DIP2C: variants seen among roughly 807,000 people sequenced by gnomAD.
DIP2C encodes the protein DIP2 acetate--CoA ligase C (putative), also known as disco-interacting protein 2 homolog C.
A neutral mutation model predicts 192.4 loss-of-function variants in DIP2C; 33 were observed. The ratio of observed to expected loss-of-function variants is 0.17; its 90% confidence interval spans 0.13 to 0.23. The LOEUF is 0.23. DIP2C is among the 10% of genes least tolerant of loss of function. The pLI is 1.00. For synonymous variants in DIP2C, 979 were observed against 864.1 expected (o/e 1.13, Z -2.33); for missense variants, 1,537 against 2,110.1 (o/e 0.73, Z 5.32).
intron 2 of DIP2C, chr10:484,829 GCTCC>G: frequency 6.2e-7 from 1 of 1,611,156 alleles, no homozygotes; most frequent in Non-Finnish European, 8.5e-7. Flanking sequence ...CTGGCCACCC[GCTCC>G]CGAGCCGCAG....
chr10:585,630 A>G (rs1042970336), intron 1 of DIP2C, among the ~76,000 whole-genome samples: 3 of 152,066 alleles, frequency 2.0e-5, no homozygotes, highest in Non-Finnish European at 4.4e-5. Context: ...CAAATCCCCT[A>G]AACCAGGAAC....
chr10:678,537 GC>G (rs1200479926), intron 1 of DIP2C, among the ~76,000 whole-genome samples: 2 of 134,548 alleles, frequency 1.5e-5, no homozygotes, highest in African/African-American at 5.9e-5. Flanking sequence ...TGCTCCCCGC[GC>G]CCATCTCTGC....
At chr10:477,849 GGA>G (rs1299915060) in intron 2 of DIP2C, among the ~76,000 whole-genome samples, 1 of 134,056 alleles carries the variant, frequency 7.5e-6, no homozygotes, top group Non-Finnish European at 1.6e-5. Context: ...AAAGAAAAAA[GGA>G]GAAGTGAAGG....
At chr10:592,204 G>A (rs182432710) in intron 1 of DIP2C, among the ~76,000 whole-genome samples, 131 of 152,254 alleles carry the variant, frequency 8.6e-4, no homozygotes, top group African/African-American at 2.9e-3. Flanking sequence ...ATAATCGGAG[G>A]ACCCATTCAG....
intron 8 of DIP2C, 70 bp downstream of exon 8, chr10:413,841 CTG>C (rs1395751828): frequency 6.5e-6 from 10 of 1,549,734 alleles, no homozygotes; most frequent in African/African-American, 1.4e-5. Flanking sequence ...TAAACGGACA[CTG>C]AGTTTCCTGC....
At chr10:514,136 T>C (rs1043296931) in intron 1 of DIP2C, among the ~76,000 whole-genome samples, 2 of 152,212 alleles carry the variant, frequency 1.3e-5, no homozygotes, top group African/African-American at 4.8e-5. Flanking sequence ...GGCTTCCTGG[T>C]GCATTCGCCC....
At position 523,701 on chromosome 10, in the gene DIP2C, A is replaced by G. The variant is rs1846874471; in HGVS notation, c.86-37171T>C. 1.3e-5 allele frequency among the ~76,000 whole-genome samples: 2 copies of G among 150,464 alleles called. 1 individual carries two copies. The highest frequency in any genetic ancestry group is 4.2e-4 in the South Asian group (2 of 4,744). On this transcript the variant is annotated intron_variant, in intron 1 of 36. Coordinates refer to ENST00000280886, the MANE Select transcript of DIP2C (RefSeq NM_014974.3). Reference sequence around the variant, plus strand: ...GATGCAGGGACTCTGTGTCACCCACACACTCGTTTCTACTGGATGCAAAGG... The same window carrying G: ...GATGCAGGGACTCTGTGTCACCCACGCACTCGTTTCTACTGGATGCAAAGG...
At chr10:339,381 A>C (rs1958032695) in intron 29 of DIP2C, among the ~76,000 whole-genome samples, 1 of 152,164 alleles carries the variant, frequency 6.6e-6, no homozygotes, top group African/African-American at 2.4e-5. Flanking sequence ...CTGAGTTAGT[A>C]ACATTTTGCA....
chr10:287,885 C>G (rs1297135287), intron 33 of DIP2C, among the ~76,000 whole-genome samples: 1 of 152,154 alleles, frequency 6.6e-6, no homozygotes, highest in African/African-American at 2.4e-5. Flanking sequence ...GAATTGATAT[C>G]TCAATAGTTC....
At chr10:330,978 ATTTTT>A (rs34830576) in intron 29 of DIP2C, among the ~76,000 whole-genome samples, 4 of 100,352 alleles carry the variant, frequency 4.0e-5, no homozygotes, top group Non-Finnish European at 8.3e-5. Context: ...TGCCTGGCTA[ATTTTT>A]TTTTTTTTTT....
chr10:437,741 A>C (rs1331931034), intron 4 of DIP2C: 11 of 152,228 alleles, frequency 7.2e-5, no homozygotes, highest in Admixed American at 6.5e-4. Flanking sequence ...ATTAAGGGAA[A>C]GTTTCACCCA....
chr10:300,234 A>G (rs1404000716), intron 32 of DIP2C, among the ~76,000 whole-genome samples: 1 of 152,188 alleles, frequency 6.6e-6, no homozygotes, highest in African/African-American at 2.4e-5. Context: ...CCAAAGGTGG[A>G]AGCAACCCAA....
chr10:603,206 G>A (rs946900690), intron 1 of DIP2C, among the ~76,000 whole-genome samples: 1 of 147,686 alleles, frequency 6.8e-6, no homozygotes, highest in Non-Finnish European at 1.5e-5. Flanking sequence ...GCTGAGGCAG[G>A]AGAATCACTT....
intron 1 of DIP2C, among the ~76,000 whole-genome samples, chr10:526,946 A>G (rs1847091275): frequency 1.3e-5 from 2 of 152,178 alleles, no homozygotes; most frequent in Admixed American, 1.3e-4. Context: ...AACTCATCCA[A>G]GTCTGTTTAG....
chr10:411,869 T>TA (rs2133085103), intron 8 of DIP2C, among the ~76,000 whole-genome samples: 1 of 152,384 alleles, frequency 6.6e-6, no homozygotes, highest in Non-Finnish European at 1.5e-5. Flanking sequence ...TTTCATCTGA[T>TA]AAGCTGTAAT....
At chr10:424,294 A>T (rs1029520865) in intron 4 of DIP2C, among the ~76,000 whole-genome samples, 3 of 145,640 alleles carry the variant, frequency 2.1e-5, no homozygotes, top group South Asian at 2.2e-4. Context: ...GAATTTTTTT[A>T]AAAGTTTACT....
intron 29 of DIP2C, among the ~76,000 whole-genome samples, chr10:340,466 C>A (rs562967506): frequency 1.5e-3 from 227 of 152,200 alleles, no homozygotes; most frequent in African/African-American, 5.2e-3. Context: ...TGCTTACTTG[C>A]TTGAAAACGC....
At chr10:430,638 ACTTT>A (rs1966847999) in intron 4 of DIP2C, 2 of 152,146 alleles carry the variant, frequency 1.3e-5, no homozygotes, top group Admixed American at 6.5e-5. Flanking sequence ...TATTTTAATT[ACTTT>A]AAGAGTCTTT....
At chr10:463,214 C>T (rs1313938720) in intron 3 of DIP2C, among the ~76,000 whole-genome samples, 8 of 152,172 alleles carry the variant, frequency 5.3e-5, no homozygotes, top group African/African-American at 1.9e-4. Context: ...CAAATTGTTT[C>T]TGTTTACAGA....
Sources: gnomAD v4.1 joint callset for allele counts (sites outside exome capture counted in the v4.1 genomes callset) on GRCh38, gnomAD v4.1.1 for gene constraint, MANE v1.5 for transcripts, NCBI Gene and HGNC (gene_info 2026-07-23, HGNC 2026-07-21) for gene names.